The following CENPP variants were observed in gnomAD, a reference collection of about 807,000 sequenced individuals.
CENPP encodes centromere protein P.
CENPP carries 24 observed loss-of-function variants against 35.6 expected under a neutral mutation model. The observed-to-expected ratio is 0.67, with a 90% CI of 0.49 to 0.95. The LOEUF (loss-of-function observed/expected upper bound fraction) is 0.95. Ranked by LOEUF, CENPP falls within the 40% of genes least tolerant of loss-of-function variation. CENPP has a pLI of 0.00. For synonymous variants in CENPP, 120 were observed against 125.5 expected (o/e 0.96, Z 0.29); for missense variants, 332 against 345.3 (o/e 0.96, Z 0.31).
At chr9:92,380,103 C>T (rs575101849) in intron 5 of CENPP, among the ~76,000 whole-genome samples, 27 of 152,114 alleles carry the variant, frequency 1.8e-4, no homozygotes, top group Non-Finnish European at 3.2e-4. Context: ...ATTTAAAATC[C>T]GCATTTTGGA....
chr9:92,430,198 CTT>C (rs1844070229), intron 5 of CENPP, among the ~76,000 whole-genome samples: 1 of 152,080 alleles, frequency 6.6e-6, no homozygotes, highest in Non-Finnish European at 1.5e-5. Context: ...GGTTGAAAAT[CTT>C]TTATATTTTA....
chr9:92,467,567 C>T (rs747789544), intron 5 of CENPP, among the ~76,000 whole-genome samples: 1 of 152,200 alleles, frequency 6.6e-6, no homozygotes, highest in Non-Finnish European at 1.5e-5. Context: ...TCTCAAGGAG[C>T]AGCTCTAGAT....
In CENPP at chr9:92,369,993, C is replaced by G. The variant is rs77391600; in HGVS notation, c.468-9770C>G. 8.5e-3 allele frequency among the ~76,000 whole-genome samples: 1,301 copies of G among 152,216 alleles called. 13 individuals carry two copies. Among genetic ancestry groups the G allele is most frequent in the Admixed American group, 0.013 (197 of 15,284 alleles). ...TGTATTATTTTGAGGTATGTGCCCT[C>G]CATGCTTAGTTTGTTGAGTGTTTGA... On this transcript the variant is annotated intron_variant, in intron 4 of 7. Transcript: ENST00000375587.
At chr9:92,377,654 G>A (rs1197138952) in intron 4 of CENPP, among the ~76,000 whole-genome samples, 2 of 152,248 alleles carry the variant, frequency 1.3e-5, no homozygotes, top group Middle Eastern at 3.4e-3. Context: ...GTAGTTTTCA[G>A]TGTTTCTGAG....
At position 92,585,879 on chromosome 9, in the gene CENPP, C is replaced by G. The variant is rs13296943; in HGVS notation, c.565-25435C>G. On this transcript the variant is annotated intron_variant, in intron 5 of 7. Coordinates refer to ENST00000375587, the MANE Select transcript of CENPP (RefSeq NM_001012267.3). The stretch of plus-strand genomic sequence containing the variant: ...ATAGCAGCCCATGTTCTTGGTGTAG[C>G]TTGCTTGGTACAAAGGGATGAATAT... Among the ~76,000 whole-genome samples the G allele has an allele frequency of 6.8e-3, 1,031 of 152,274 alleles. 6 individuals are homozygous for G. Among genetic ancestry groups the G allele is most frequent in the Middle Eastern group, 0.054 (16 of 294 alleles).
At chr9:92,410,796 T>C (rs543826048) in intron 5 of CENPP, among the ~76,000 whole-genome samples, 1 of 152,322 alleles carries the variant, frequency 6.6e-6, no homozygotes, top group South Asian at 2.1e-4. Context: ...CTCCAACTCA[T>C]GTGCACTTTA....
In CENPP at chr9:92,619,668, C is replaced by A. The variant is rs1303397836; in HGVS notation, c.*6519C>A. 4.7e-6 allele frequency: 5 copies of A among 1,066,304 alleles called. No individual in the cohort carries two copies. Among genetic ancestry groups the A allele is most frequent in the Non-Finnish European group, 5.6e-6 (4 of 715,884 alleles). 66.1% of individuals were successfully genotyped at this position (1,066,304 alleles called of 1,614,324 possible). ...CAAGTGTGGGAACTGCTTCCTGCCTCAGAACCTGAGGGTGGGATTAGGAGC... is the reference window on the plus strand; with the variant it reads ...CAAGTGTGGGAACTGCTTCCTGCCTAAGAACCTGAGGGTGGGATTAGGAGC... On this transcript the variant is annotated 3_prime_UTR_variant, in exon 8 of 8. Transcript: ENST00000375587.
At chr9:92,364,047 G>C (rs1588061513) in intron 4 of CENPP, among the ~76,000 whole-genome samples, 1 of 151,828 alleles carries the variant, frequency 6.6e-6, no homozygotes, top group African/African-American at 2.4e-5. Context: ...ATGGGTTTTT[G>C]CCATGTTGCC....
At chr9:92,442,652 C>G (rs1333809814) in intron 5 of CENPP, among the ~76,000 whole-genome samples, 1 of 151,830 alleles carries the variant, frequency 6.6e-6, no homozygotes, top group African/African-American at 2.4e-5. Context: ...CAAGACCATC[C>G]TGGCTAAAAC....
intron 4 of CENPP, among the ~76,000 whole-genome samples, chr9:92,355,675 A>G (rs1841570888): frequency 6.6e-6 from 1 of 152,260 alleles, no homozygotes; most frequent in Non-Finnish European, 1.5e-5. Flanking sequence ...ACCTAAAAAA[A>G]GAATAGCTTA....
intron 5 of CENPP, among the ~76,000 whole-genome samples, chr9:92,602,760 C>T (rs953194052): frequency 3.9e-5 from 6 of 152,110 alleles, no homozygotes; most frequent in South Asian, 4.2e-4. Flanking sequence ...AGGTGACAGG[C>T]GGTGTGAACA....
chr9:92,507,862 A>G (rs1847100388), intron 5 of CENPP, among the ~76,000 whole-genome samples: 1 of 152,158 alleles, frequency 6.6e-6, no homozygotes, highest in South Asian at 2.1e-4. Flanking sequence ...TCCTGCAGGT[A>G]AATTCCCTGC....
intron 5 of CENPP, among the ~76,000 whole-genome samples, chr9:92,468,992 A>C (rs1373533858): frequency 5.9e-5 from 9 of 152,358 alleles, no homozygotes; most frequent in African/African-American, 2.2e-4. Flanking sequence ...CCAGTATTAA[A>C]TATGCCATTA....
intron 5 of CENPP, among the ~76,000 whole-genome samples, chr9:92,559,064 C>A (rs1231959822): frequency 6.6e-6 from 1 of 152,160 alleles, no homozygotes; most frequent in Non-Finnish European, 1.5e-5. Flanking sequence ...CTCCCAGCTG[C>A]CAAAGAAAAG....
At chr9:92,583,443 TTTGA>T (rs1203660825) in intron 5 of CENPP, among the ~76,000 whole-genome samples, 1 of 152,208 alleles carries the variant, frequency 6.6e-6, no homozygotes, top group Admixed American at 6.5e-5. Flanking sequence ...TATGTATTGG[TTTGA>T]TTATTTTCTG....
At chr9:92,467,331 T>A (rs887211956) in intron 5 of CENPP, among the ~76,000 whole-genome samples, 14 of 152,182 alleles carry the variant, frequency 9.2e-5, no homozygotes, top group Non-Finnish European at 1.6e-4. Flanking sequence ...ATCATGAGAT[T>A]ATGGGATGTG....
At chr9:92,474,829 G>A (rs1845658162) in intron 5 of CENPP, 1 of 1,613,922 alleles carries the variant, frequency 6.2e-7, no homozygotes, top group Non-Finnish European at 8.5e-7. Context: ...TCAGTGCGAT[G>A]TGTGAAGGGC....
At chr9:92,588,084 G>A (rs1434675557) in intron 5 of CENPP, among the ~76,000 whole-genome samples, 1 of 151,928 alleles carries the variant, frequency 6.6e-6, no homozygotes, top group Non-Finnish European at 1.5e-5. Flanking sequence ...AGGTTGCAGT[G>A]AGCCAAGATT....
At chr9:92,455,643 C>T (rs1844851089) in intron 5 of CENPP, among the ~76,000 whole-genome samples, 1 of 152,066 alleles carries the variant, frequency 6.6e-6, no homozygotes, top group African/African-American at 2.4e-5. Context: ...TTGTTCTTTC[C>T]CCCTCGCCCC....
Sources: gnomAD v4.1 joint callset for allele counts (sites outside exome capture counted in the v4.1 genomes callset) on GRCh38, gnomAD v4.1.1 for gene constraint, MANE v1.5 for transcripts, NCBI Gene and HGNC (gene_info 2026-07-23, HGNC 2026-07-21) for gene names.